CCDC15: variants seen among roughly 807,000 people sequenced by gnomAD.
CCDC15 encodes the protein coiled-coil domain-containing protein 15.
Under a neutral mutation model 114.5 loss-of-function variants are expected in CCDC15, and 105 were observed. The observed-to-expected ratio is 0.92, with a 90% CI of 0.78 to 1.08. The LOEUF (loss-of-function observed/expected upper bound fraction) is 1.08, where lower values mean the gene tolerates loss of function less well. CCDC15 is among the 50% of genes least tolerant of loss of function. The probability of loss-of-function intolerance (pLI) is 0.00; values close to 1 mark genes in which losing one functional copy is unlikely to be tolerated. For missense variants in CCDC15, 1,105 were observed against 1,093.6 expected (o/e 1.01, Z -0.15); for synonymous variants, 334 against 377.8 (o/e 0.88, Z 1.34).
Position 124,959,166 on chromosome 11 carries a change from CAAG to C in CCDC15, c.233_235del (p.Glu78del). The stretch of plus-strand genomic sequence containing the variant: ...ACTAAAGGAACAGCTAAGAAAAAAA[CAAG>C]AAGCTTTGAAACATTTTCAGAAACA... On this transcript the variant is annotated inframe_deletion, in exon 3 of 16. Coordinates refer to ENST00000344762, the MANE Select transcript of CCDC15 (RefSeq NM_025004.3). 1 of 1,587,608 alleles carries C rather than the reference CAAG, an allele frequency of 6.3e-7. No individual in the cohort carries two copies.
intron 4 of CCDC15, among the ~76,000 whole-genome samples, chr11:124,965,545 A>C (rs915607383): frequency 6.6e-5 from 10 of 151,940 alleles, no homozygotes; most frequent in Non-Finnish European, 1.2e-4. Context: ...CTTCTTTATT[A>C]ATCTTGCTAG....
rs746430218 is a variant in CCDC15 at position 124,987,127 on chromosome 11, A to G, written c.901A>G (p.Lys301Glu). Residue 301 changes from lysine to glutamate, a missense_variant and splice_region_variant, in exon 8 of 16, where the codon AAA becomes GAA. Transcript: ENST00000344762. ...DKNKPFSRVQKVKFKNPLFVL... is the reference protein window; with the variant it reads ...DKNKPFSRVQEVKFKNPLFVL... ...ATTTGGTGTTTATGTTCACTTTTAG[A>G]AAGTAAAATTCAAAAATCCATTATT... The G allele has an allele frequency of 6.6e-7, 1 of 1,505,420 alleles. No homozygotes were observed. Among genetic ancestry groups the G allele is most frequent in the Non-Finnish European group, 8.9e-7 (1 of 1,129,800 alleles). The allele number at this position is 1,505,420 out of a possible 1,614,324, so 93.3% of individuals were successfully genotyped here. A position where few individuals can be genotyped will look rare whatever the true frequency, so the allele number is the denominator to read the frequency against.
At chr11:124,991,616 G>A in intron 9 of CCDC15, 33 bp downstream of exon 9, 1 of 1,552,120 alleles carries the variant, frequency 6.4e-7, no homozygotes, top group Non-Finnish European at 8.7e-7. Flanking sequence ...AAACAGGAAG[G>A]AAGTACCCAG....
rs878887902 is a variant in CCDC15, at chr11:124,986,700, T to TGTGTGC, written c.754-41_754-40insTGTGCG. The TGTGTGC allele has an allele frequency of 5.1e-3, 6,840 of 1,346,642 alleles. 86 individuals are homozygous for TGTGTGC. The highest frequency in any genetic ancestry group is 0.013 in the African/African-American group (780 of 61,444). The allele number at this position is 1,346,642 out of a possible 1,614,324, so 83.4% of individuals were successfully genotyped here. ...GTGTGTGTGTGTGTGTTTGTGTGTG[T>TGTGTGC]GCGCGCGCGCGCGTGCGCGTTTTCA... On this transcript the variant is annotated intron_variant, in intron 6 of 15. Transcript: ENST00000344762.
intron 13 of CCDC15, among the ~76,000 whole-genome samples, chr11:125,021,435 T>C (rs1948660004): frequency 6.6e-6 from 1 of 151,864 alleles, no homozygotes; most frequent in Admixed American, 6.6e-5. Flanking sequence ...TACACAGATA[T>C]AACCGTTTAT....
intron 13 of CCDC15, among the ~76,000 whole-genome samples, chr11:125,031,476 G>T (rs1319384509): frequency 3.3e-5 from 5 of 152,190 alleles, no homozygotes; most frequent in Non-Finnish European, 7.3e-5. Flanking sequence ...ATGCTGCTGT[G>T]TACCCACTTT....
At chr11:124,955,545 G>A (rs1439148190) in intron 2 of CCDC15, among the ~76,000 whole-genome samples, 1 of 152,168 alleles carries the variant, frequency 6.6e-6, no homozygotes, top group South Asian at 2.1e-4. Flanking sequence ...AGCTCCTTGA[G>A]CGTAGAGAAC....
At chr11:125,019,148 G>T (rs1354185010) in intron 13 of CCDC15, among the ~76,000 whole-genome samples, 1 of 151,920 alleles carries the variant, frequency 6.6e-6, no homozygotes, top group Non-Finnish European at 1.5e-5. Flanking sequence ...AAGATGAAAT[G>T]ACTGTTAGGA....
chr11:124,967,574 A>G (rs1430316863), intron 4 of CCDC15, among the ~76,000 whole-genome samples: 4 of 152,174 alleles, frequency 2.6e-5, no homozygotes, highest in Admixed American at 2.0e-4. Context: ...GATGGGTTCA[A>G]ACATCCTCCT....
intron 13 of CCDC15, among the ~76,000 whole-genome samples, chr11:125,008,323 C>G (rs1168322324): frequency 6.6e-6 from 1 of 152,160 alleles, no homozygotes; most frequent in Non-Finnish European, 1.5e-5. Context: ...TTAAACTCCA[C>G]CCGTTCATTG....
At chr11:125,031,652 C>T (rs2135541613) in intron 13 of CCDC15, among the ~76,000 whole-genome samples, 1 of 152,276 alleles carries the variant, frequency 6.6e-6, no homozygotes, top group South Asian at 2.1e-4. Flanking sequence ...CTCCAAAATC[C>T]TAGAGGCCTT....
chr11:125,008,974 T>A (rs990759388), intron 13 of CCDC15, among the ~76,000 whole-genome samples: 1 of 152,150 alleles, frequency 6.6e-6, no homozygotes, highest in African/African-American at 2.4e-5. Context: ...ATCCTAGCAC[T>A]TTGGGAGGCT....
At chr11:124,959,691 C>A in intron 3 of CCDC15, 124 bp from the exon 4 acceptor site, 3 of 670,866 alleles carry the variant, frequency 4.5e-6, no homozygotes, top group Non-Finnish European at 7.2e-6. Flanking sequence ...AGTTTCTCTG[C>A]CAGCTAAAGC....
At position 125,040,523 on chromosome 11, in the gene CCDC15, A is replaced by G. The variant is rs1397611461; in HGVS notation, c.2735-67A>G. 2.0e-6 allele frequency: 3 copies of G among 1,472,204 alleles called. No homozygotes were observed. The East Asian group carries it at 7.3e-5, about 36-fold the overall frequency. 91.2% of individuals were successfully genotyped at this position (1,472,204 alleles called of 1,614,324 possible). A position where few individuals can be genotyped will look rare whatever the true frequency, so the allele number is the denominator to read the frequency against. ...TCTTGGTAGAGAAGCAGTACTAATA[A>G]GATAGAGGCTGGTAGAGTTGTTTAG... On this transcript the variant is annotated intron_variant, in intron 15 of 15. Coordinates refer to ENST00000344762, the MANE Select transcript of CCDC15 (RefSeq NM_025004.3).
At chr11:124,993,649 A>T (rs1351027706) in intron 11 of CCDC15, among the ~76,000 whole-genome samples, 1 of 152,200 alleles carries the variant, frequency 6.6e-6, no homozygotes, top group Non-Finnish European at 1.5e-5. Flanking sequence ...TTTACATGAA[A>T]TCCAAGATCC....
At chr11:124,982,255 T>C (rs1948083845) in intron 6 of CCDC15, among the ~76,000 whole-genome samples, 1 of 152,224 alleles carries the variant, frequency 6.6e-6, no homozygotes, top group African/African-American at 2.4e-5. Context: ...CTTGCCACTC[T>C]GTGCCTTTTA....
At chr11:124,973,727 A>G (rs1591579177) in intron 4 of CCDC15, among the ~76,000 whole-genome samples, 1 of 152,158 alleles carries the variant, frequency 6.6e-6, no homozygotes, top group African/African-American at 2.4e-5. Context: ...GGCTCAAGCA[A>G]TCCTTCCACC....
At chr11:125,012,330 T>C (rs1310108213) in intron 13 of CCDC15, among the ~76,000 whole-genome samples, 3 of 152,204 alleles carry the variant, frequency 2.0e-5, no homozygotes, top group Non-Finnish European at 4.4e-5. Flanking sequence ...TCCCCTCTTA[T>C]CCAGGTCTAA....
In CCDC15 at chr11:125,040,798, A is replaced by G. The variant is rs928853768; in HGVS notation, c.*87A>G. On this transcript the variant is annotated 3_prime_UTR_variant, in exon 16 of 16. Transcript: ENST00000344762. ...ATTTAAGAAAAGCTGTTCAAGTTAT[A>G]AAATATATAATCTGGGAAGAAATAC... is the stretch of plus-strand genomic sequence containing the variant. 6 of 1,132,776 alleles carry G rather than the reference A, an allele frequency of 5.3e-6. No individual in the cohort carries two copies. The highest frequency in any genetic ancestry group is 2.2e-4 in the Middle Eastern group (1 of 4,544). 70.2% of individuals were successfully genotyped at this position (1,132,776 alleles called of 1,614,324 possible). A position where few individuals can be genotyped will look rare whatever the true frequency, so the allele number is the denominator to read the frequency against.
Sources: allele counts gnomAD v4.1 joint callset (sites outside exome capture counted in the v4.1 genomes callset), GRCh38; gene constraint gnomAD v4.1.1; transcripts MANE v1.5; gene names NCBI Gene and HGNC (gene_info 2026-07-23, HGNC 2026-07-21).